Variants in OR2T10 observed in about 807,000 individuals in gnomAD.
OR2T10 encodes the protein olfactory receptor 2T10.
For synonymous variants in OR2T10, 125 were observed against 141.8 expected (o/e 0.88, Z 0.84); for missense variants, 335 against 382.5 (o/e 0.88, Z 1.04).
In OR2T10 at chr1:248,592,113, A is replaced by G. The variant is rs1242613626; in HGVS notation, c.*717T>C. On this transcript the variant is annotated 3_prime_UTR_variant, in exon 2 of 2. Transcript: ENST00000642090. ...TTATACTCCAAACATGTTGTAGCCCATGTCTACTGGATAGCCCATGTCTCT... is the reference window on the plus strand; with the variant it reads ...TTATACTCCAAACATGTTGTAGCCCGTGTCTACTGGATAGCCCATGTCTCT... 1.4e-5 allele frequency: 2 copies of G among 144,100 alleles called. No homozygotes were observed. The highest frequency in any genetic ancestry group is 3.0e-5 in the Non-Finnish European group (2 of 66,450). The allele number at this position is 144,100 out of a possible 1,614,324, so 8.9% of individuals were successfully genotyped here.
chr1:248,594,043 TTA>T (rs570536740), intron 1 of OR2T10, among the ~76,000 whole-genome samples: 1 of 142,462 alleles, frequency 7.0e-6, no homozygotes, highest in Non-Finnish European at 1.5e-5. Flanking sequence ...TTCCTATAGA[TTA>T]TATAGTCACT....
chr1:248,596,594 C>T (rs575282863), intron 1 of OR2T10, among the ~76,000 whole-genome samples: 1 of 143,670 alleles, frequency 7.0e-6, no homozygotes, highest in South Asian at 2.2e-4. Flanking sequence ...TTATCCACTT[C>T]TAGGAAACAA....
Position 248,593,687 on chromosome 1 carries a change from A to T in OR2T10, c.82T>A (p.Cys28Ser). ...FSQISHPGRL[C>S]LLIFSIFLMA... ...AAAAATATACTGAAGATAAGCAAGC[A>T]GAGGCGGCCAGGGTGTGAGATCTGG... is the stretch of plus-strand genomic sequence containing the variant. The change falls in exon 2 of 2, where the codon TGC becomes AGC. Residue 28 changes from cysteine to serine, a missense_variant. Transcript: ENST00000642090. The T allele has an allele frequency of 6.4e-7, 1 of 1,563,652 alleles. No homozygotes were observed. Among genetic ancestry groups the T allele is most frequent in the Non-Finnish European group, 8.7e-7 (1 of 1,150,970 alleles).
chr1:248,594,603 T>C lies in OR2T10; in HGVS notation c.-28-807A>G, dbSNP rs547178038. Reference sequence around the variant, plus strand: ...AGATATCAAAAAAAAATTATGGCTATCTCAGATCAATGATGCTTTAGGAAT... The same window carrying C: ...AGATATCAAAAAAAAATTATGGCTACCTCAGATCAATGATGCTTTAGGAAT... On this transcript the variant is annotated intron_variant, in intron 1 of 1. Coordinates refer to ENST00000642090, the MANE Select transcript of OR2T10 (RefSeq NM_001004693.2). Among the ~76,000 whole-genome samples the C allele has an allele frequency of 1.8e-4, 26 of 143,776 alleles. 3 individuals are homozygous for C. In the South Asian group the frequency reaches 5.7e-3, roughly 31 times the overall value. 94.3% of individuals were successfully genotyped at this position (143,776 alleles called of 152,430 possible). A position where few individuals can be genotyped will look rare whatever the true frequency, so the allele number is the denominator to read the frequency against.
At chr1:248,595,957 T>C (rs1660083625) in intron 1 of OR2T10, among the ~76,000 whole-genome samples, 1 of 143,188 alleles carries the variant, frequency 7.0e-6, no homozygotes, top group Non-Finnish European at 1.5e-5. Context: ...AAATTCACTA[T>C]CAGCCCTGCT....
At chr1:248,597,394 T>TCACCA (rs1660108369) in intron 1 of OR2T10, 98 bp downstream of exon 1, 6 of 143,144 alleles carry the variant, frequency 4.2e-5, no homozygotes, top group African/African-American at 1.6e-4. Flanking sequence ...ATTAAATATA[T>TCACCA]ATTAACTGTT....
chr1:248,594,006 A>T (rs111554495), intron 1 of OR2T10, among the ~76,000 whole-genome samples: 5,553 of 142,710 alleles, frequency 0.039, 1,329 homozygotes, highest in African/African-American at 0.15. Flanking sequence ...CTCAATGAAG[A>T]GGTCCATACA....
chr1:248,591,337 T>C lies in OR2T10; in HGVS notation c.*1493A>G, dbSNP rs1659995721. 2 of 143,934 alleles carry C rather than the reference T, an allele frequency of 1.4e-5. No homozygotes were observed. The highest frequency in any genetic ancestry group is 3.0e-5 in the Non-Finnish European group (2 of 66,440). 8.9% of individuals were successfully genotyped at this position (143,934 alleles called of 1,614,324 possible). On this transcript the variant is annotated 3_prime_UTR_variant, in exon 2 of 2. Coordinates refer to ENST00000642090, the MANE Select transcript of OR2T10 (RefSeq NM_001004693.2). ...ACTTTTCTTCTGATAATACTCCATG[T>C]CTTCTTCTCAATTACCAAATTTATT...
At position 248,592,543 on chromosome 1, in the gene OR2T10, C is replaced by G. The variant is rs1013490446; in HGVS notation, c.*287G>C. The G allele has an allele frequency of 4.6e-5, 12 of 259,482 alleles. 3 individuals carry two copies. The highest frequency in any genetic ancestry group is 9.8e-5 in the Admixed American group (2 of 20,374). The allele number at this position is 259,482 out of a possible 1,614,324, so 16.1% of individuals were successfully genotyped here. ...CAAATTTTCTCTGTGGTGGAAGGTGCTCAAGGGTCATAAACACATTTATTT... is the reference window on the plus strand; with the variant it reads ...CAAATTTTCTCTGTGGTGGAAGGTGGTCAAGGGTCATAAACACATTTATTT... On this transcript the variant is annotated 3_prime_UTR_variant, in exon 2 of 2. Transcript: ENST00000642090.
At position 248,593,309 on chromosome 1, in the gene OR2T10, C is replaced by T. The variant is rs772810614; in HGVS notation, c.460G>A (p.Val154Met). The change falls in exon 2 of 2, where the codon GTG (valine) becomes ATG (methionine). Residue 154 changes from valine to methionine, a missense_variant. Coordinates refer to ENST00000642090, the MANE Select transcript of OR2T10 (RefSeq NM_001004693.2). The part of the protein sequence containing the change: ...LASGCWFVGS[V>M]DGFMLTPIAM... ...ATGGGAGTGAGCATGAAGCCATCCA[C>T]TGAGCCCACAAACCAGCAGCCTGAT... 15 of 1,573,456 alleles carry T rather than the reference C, an allele frequency of 9.5e-6. 4 individuals carry two copies. The highest frequency in any genetic ancestry group is 1.2e-5 in the Non-Finnish European group (14 of 1,156,980).
rs1229618918 is a variant in OR2T10, at chr1:248,591,458, C to T, written c.*1372G>A. 1.5e-4 allele frequency: 22 copies of T among 144,116 alleles called. 3 individuals are homozygous for T. The East Asian group carries it at 4.2e-3, about 27-fold the overall frequency. The allele number at this position is 144,116 out of a possible 1,614,324, so 8.9% of individuals were successfully genotyped here. A position where few individuals can be genotyped will look rare whatever the true frequency, so the allele number is the denominator to read the frequency against. On this transcript the variant is annotated 3_prime_UTR_variant, in exon 2 of 2. Coordinates refer to ENST00000642090, the MANE Select transcript of OR2T10 (RefSeq NM_001004693.2). ...AGTTTGTAGAACGGGGCCTGGCAAA[C>T]TATAGGGGCTCAGTAGTTATTTGTT...
At chr1:248,594,172 T>C (rs1660057657) in intron 1 of OR2T10, among the ~76,000 whole-genome samples, 1 of 143,158 alleles carries the variant, frequency 7.0e-6, no homozygotes, top group South Asian at 2.2e-4. Context: ...TAATAACCAA[T>C]ATAGATATTT....
chr1:248,592,843 T>C lies in OR2T10; in HGVS notation c.926A>G (p.Lys309Arg). The part of the protein sequence containing the change: ...RALKKMLSVQ[K>R]PPY Reference sequence around the variant, plus strand: ...TTCTTTCACACTTTAATATGGAGGTTTCTGCACGCTCAGCATTTTTTTCAA... The same window carrying C: ...TTCTTTCACACTTTAATATGGAGGTCTCTGCACGCTCAGCATTTTTTTCAA... The change falls in exon 2 of 2, where the codon AAA (lysine) becomes AGA (arginine). Residue 309 changes from lysine to arginine, a missense_variant. Coordinates refer to ENST00000642090, the MANE Select transcript of OR2T10 (RefSeq NM_001004693.2). 4 of 1,535,760 alleles carry C rather than the reference T, an allele frequency of 2.6e-6. No homozygotes were observed. The highest frequency in any genetic ancestry group is 3.5e-6 in the Non-Finnish European group (4 of 1,130,188).
rs1659982228 is a variant in OR2T10 at position 248,590,665 on chromosome 1, TTC to T, written c.*2163_*2164del. 7.0e-6 allele frequency: 1 copy of T among 143,304 alleles called. No individual in the cohort carries two copies. The highest frequency in any genetic ancestry group is 1.5e-5 in the Non-Finnish European group (1 of 66,300). The allele number at this position is 143,304 out of a possible 1,614,324, so 8.9% of individuals were successfully genotyped here. ...TGGCCCATCTGTTTCACGTCTCTTT[TTC>T]ATTCTTTCGTTGCTTCTTTTAGAAA... On this transcript the variant is annotated 3_prime_UTR_variant, in exon 2 of 2. Transcript: ENST00000642090.
rs779392165 is a variant in OR2T10 at position 248,592,919 on chromosome 1, C to G, written c.850G>C (p.Val284Leu). 6.4e-7 allele frequency: 1 copy of G among 1,567,408 alleles called. No individual in the cohort carries two copies. Among genetic ancestry groups the G allele is most frequent in the Non-Finnish European group, 8.7e-7 (1 of 1,151,636 alleles). Residue 284 changes from valine (V) to leucine (L), a missense_variant, in exon 2 of 2, where the codon GTC (valine) becomes CTC (leucine). By Grantham distance (32) the Val-to-Leu change is conservative. Coordinates refer to ENST00000642090, the MANE Select transcript of OR2T10 (RefSeq NM_001004693.2). ...SSFFYTILTP[V>L]LNPIIYSFRN... ...AAACTGTAAATGATAGGATTCAAGACAGGTGTAAGGATAGTGTAGAAAAAG... is the reference window on the plus strand; with the variant it reads ...AAACTGTAAATGATAGGATTCAAGAGAGGTGTAAGGATAGTGTAGAAAAAG...
At chr1:248,596,061 C>T (rs1432239208) in intron 1 of OR2T10, among the ~76,000 whole-genome samples, 1 of 143,414 alleles carries the variant, frequency 7.0e-6, no homozygotes, top group African/African-American at 2.7e-5. Context: ...AAACCTGAGA[C>T]AAATAAAACA....
chr1:248,597,589 G>A lies in OR2T10; in HGVS notation c.-126C>T, dbSNP rs1432614754. On this transcript the variant is annotated 5_prime_UTR_variant, in exon 1 of 2. It adds an upstream start codon to the 5' untranslated region. Coordinates refer to ENST00000642090, the MANE Select transcript of OR2T10 (RefSeq NM_001004693.2). ...GATGAATGACAGCCTTGTCATTTTC[G>A]TTGTGATCAATCTGCTCTGTGATCA... The A allele has an allele frequency of 1.4e-5, 2 of 143,156 alleles. No individual in the cohort carries two copies. The highest frequency in any genetic ancestry group is 3.0e-5 in the Non-Finnish European group (2 of 66,224). 8.9% of individuals were successfully genotyped at this position (143,156 alleles called of 1,614,324 possible). A position where few individuals can be genotyped will look rare whatever the true frequency, so the allele number is the denominator to read the frequency against.
In OR2T10 at chr1:248,593,578, T is replaced by C. The variant is rs1192882636; in HGVS notation, c.191A>G (p.Asn64Ser). ...TGTCAAGTCTATGAGTGAGAGCTGG[T>C]TTATAAAGAAGTACATGGGAGTATG... ...SLHTPMYFFI[N>S]QLSLIDLTYI... Residue 64 changes from asparagine (N) to serine (S), a missense_variant, in exon 2 of 2, where the codon AAC becomes AGC. By Grantham distance (46) the Asn-to-Ser change is conservative. Transcript: ENST00000642090. 6.4e-7 allele frequency: 1 copy of C among 1,567,116 alleles called. No individual in the cohort carries two copies. Among genetic ancestry groups the C allele is most frequent in the Admixed American group, 1.7e-5 (1 of 58,132 alleles).
intron 1 of OR2T10, among the ~76,000 whole-genome samples, chr1:248,594,594 T>C (rs150474262): frequency 4.2e-4 from 60 of 143,542 alleles, no homozygotes; most frequent in African/African-American, 1.5e-3. Context: ...CAAAAAAAAA[T>C]TATGGCTATC....
Sources: allele counts gnomAD v4.1 joint callset (sites outside exome capture counted in the v4.1 genomes callset), GRCh38; gene constraint gnomAD v4.1.1; transcripts MANE v1.5; gene names NCBI Gene and HGNC (gene_info 2026-07-23, HGNC 2026-07-21).